TLE4: variants seen among roughly 807,000 people sequenced by gnomAD.
TLE4 encodes the protein TLE family member 4, transcriptional corepressor.
TLE4 carries 8 observed loss-of-function variants against 92.8 expected under a neutral mutation model. The observed-to-expected ratio is 0.09, with a 90% CI of 0.05 to 0.16. TLE4 has a LOEUF of 0.16. TLE4 is among the 10% of genes least tolerant of loss of function. The probability of loss-of-function intolerance (pLI) is 1.00; values close to 1 mark genes in which losing one functional copy is unlikely to be tolerated. For missense variants in TLE4, 675 were observed against 997.6 expected (o/e 0.68, Z 4.36); for synonymous variants, 371 against 374.1 (o/e 0.99, Z 0.10).
intron 8 of TLE4, among the ~76,000 whole-genome samples, chr9:79,700,841 TACACAC>T (rs894110221): frequency 1.3e-5 from 2 of 151,944 alleles, no homozygotes; most frequent in Admixed American, 1.3e-4. Flanking sequence ...TTTGCTGAGA[TACACAC>T]ACACATACAC....
At chr9:79,722,651 C>T in intron 18 of TLE4, 50 bp downstream of exon 18, 2 of 1,595,626 alleles carry the variant, frequency 1.3e-6, no homozygotes, top group Non-Finnish European at 1.7e-6. Flanking sequence ...TTGCTCCTTC[C>T]CCCTTCCTGT....
chr9:79,577,132 T>C (rs1328647119), intron 4 of TLE4, among the ~76,000 whole-genome samples: 1 of 152,180 alleles, frequency 6.6e-6, no homozygotes, highest in Non-Finnish European at 1.5e-5. Context: ...AAGGGAAAAC[T>C]TACTGCTTTT....
chr9:79,683,387 C>T (rs1046238581), intron 8 of TLE4, among the ~76,000 whole-genome samples: 2 of 152,126 alleles, frequency 1.3e-5, no homozygotes, highest in African/African-American at 4.8e-5. Context: ...TTAAATTGAG[C>T]GTAAACATGA....
At position 79,628,873 on chromosome 9, in the gene TLE4, A is replaced by AGTGTGT. The variant is rs34212290; in HGVS notation, c.390+1456_390+1461dup. On this transcript the variant is annotated intron_variant, in intron 6 of 19. Coordinates refer to ENST00000376552, the MANE Select transcript of TLE4 (RefSeq NM_007005.6). ...TGAGAAAGGTTTAATTTTAAAGTTA[A>AGTGTGT]GTGTGTGTGTGTGTGTGTGTGTGTG... is the stretch of plus-strand genomic sequence containing the variant. 8.4e-3 allele frequency among the ~76,000 whole-genome samples: 1,245 copies of AGTGTGT among 148,082 alleles called. 10 individuals are homozygous for AGTGTGT. The highest frequency in any genetic ancestry group is 0.013 in the African/African-American group (536 of 40,056).
At chr9:79,694,198 G>A (rs2067700308) in intron 8 of TLE4, among the ~76,000 whole-genome samples, 1 of 152,292 alleles carries the variant, frequency 6.6e-6, no homozygotes, top group African/African-American at 2.4e-5. Context: ...AGAGAAACAG[G>A]AGCGATAGAC....
At chr9:79,591,060 T>A (rs2042413608) in intron 4 of TLE4, among the ~76,000 whole-genome samples, 1 of 152,244 alleles carries the variant, frequency 6.6e-6, no homozygotes, top group African/African-American at 2.4e-5. Flanking sequence ...AACCTCATAC[T>A]ATGTGCAGGT....
chr9:79,677,828 T>C (rs2063560076), intron 8 of TLE4, among the ~76,000 whole-genome samples: 1 of 152,112 alleles, frequency 6.6e-6, no homozygotes, highest in Non-Finnish European at 1.5e-5. Flanking sequence ...GATGCTCTTT[T>C]ACTTATAGAA....
At chr9:79,655,927 A>G (rs759880246) in intron 8 of TLE4, among the ~76,000 whole-genome samples, 51 of 152,272 alleles carry the variant, frequency 3.3e-4, no homozygotes, top group Non-Finnish European at 6.3e-4. Flanking sequence ...TTATTCCCTC[A>G]TGCAAGAGTA....
At chr9:79,639,499 A>G (rs899067508) in intron 6 of TLE4, among the ~76,000 whole-genome samples, 1 of 152,132 alleles carries the variant, frequency 6.6e-6, no homozygotes, top group Non-Finnish European at 1.5e-5. Context: ...AGTAATTATA[A>G]AGTCTGTAGT....
At chr9:79,687,841 C>T (rs935482276) in intron 8 of TLE4, among the ~76,000 whole-genome samples, 11 of 152,216 alleles carry the variant, frequency 7.2e-5, no homozygotes, top group African/African-American at 2.2e-4. Context: ...CAAGTTTCCT[C>T]CTGTTCAAAG....
At chr9:79,669,168 TC>T (rs1247062941) in intron 8 of TLE4, among the ~76,000 whole-genome samples, 1 of 152,200 alleles carries the variant, frequency 6.6e-6, no homozygotes, top group Non-Finnish European at 1.5e-5. Flanking sequence ...GAGTATTGAC[TC>T]AGAAGCTGAG....
intron 16 of TLE4, 26 bp downstream of exon 16, chr9:79,720,319 G>A (rs370883753): frequency 1.3e-6 from 2 of 1,594,738 alleles, no homozygotes; most frequent in Non-Finnish European, 1.7e-6. Context: ...CTGTTACCAG[G>A]TTGTGAGGAG....
chr9:79,643,922 T>G (rs1219444452), intron 6 of TLE4, among the ~76,000 whole-genome samples: 2 of 152,202 alleles, frequency 1.3e-5, no homozygotes, highest in Non-Finnish European at 2.9e-5. Context: ...TCTCCTCTCC[T>G]CGCTCCCTCA....
intron 1 of TLE4, 187 bp from the exon 2 acceptor site, chr9:79,573,502 C>A: frequency 1.2e-6 from 1 of 853,222 alleles, no homozygotes; most frequent in Non-Finnish European, 1.6e-6. Flanking sequence ...GCCCCAGGAC[C>A]ACCTCGAAAC....
At chr9:79,640,124 A>G (rs1214440435) in intron 6 of TLE4, among the ~76,000 whole-genome samples, 2 of 152,150 alleles carry the variant, frequency 1.3e-5, no homozygotes, top group East Asian at 1.9e-4. Flanking sequence ...AATTTGGAAC[A>G]TAAGTAACTA....
intron 5 of TLE4, among the ~76,000 whole-genome samples, chr9:79,614,676 A>G (rs751797778): frequency 1.3e-5 from 2 of 152,200 alleles, no homozygotes; most frequent in Non-Finnish European, 2.9e-5. Context: ...TGACTCACGT[A>G]TAATGATTTA....
intron 8 of TLE4, among the ~76,000 whole-genome samples, chr9:79,688,555 G>A (rs1219833972): frequency 2.6e-5 from 4 of 151,912 alleles, no homozygotes; most frequent in Non-Finnish European, 5.9e-5. Context: ...TGCTGAGCAT[G>A]CATAAATGTG....
chr9:79,675,982 C>CT (rs1235847099), intron 8 of TLE4, among the ~76,000 whole-genome samples: 1 of 152,108 alleles, frequency 6.6e-6, no homozygotes, highest in Admixed American at 6.6e-5. Context: ...AAGTTTTGGA[C>CT]TTTGGATTTC....
intron 6 of TLE4, among the ~76,000 whole-genome samples, chr9:79,630,167 T>G (rs2053796955): frequency 6.6e-6 from 1 of 152,188 alleles, no homozygotes; most frequent in Non-Finnish European, 1.5e-5. Flanking sequence ...TTCCCAGATT[T>G]AATGAAATCT....
Sources: allele counts gnomAD v4.1 joint callset (sites outside exome capture counted in the v4.1 genomes callset), GRCh38; gene constraint gnomAD v4.1.1; transcripts MANE v1.5; gene names NCBI Gene and HGNC (gene_info 2026-07-23, HGNC 2026-07-21).